Variants in WDR27 observed in about 807,000 individuals in gnomAD.
WDR27 encodes WD repeat domain 27.
Under a neutral mutation model 114.4 loss-of-function variants are expected in WDR27, and 100 were observed. That is an observed-to-expected ratio of 0.87 (90% confidence interval 0.74 to 1.03). The LOEUF (loss-of-function observed/expected upper bound fraction) is 1.03, where lower values mean the gene tolerates loss of function less well. Ranked by LOEUF, WDR27 falls within the 50% of genes least tolerant of loss-of-function variation. The probability of loss-of-function intolerance (pLI) is 0.00; values close to 1 mark genes in which losing one functional copy is unlikely to be tolerated. For synonymous variants in WDR27, 449 were observed against 423.1 expected, an observed-to-expected ratio of 1.06 and a Z score of -0.75; for missense variants, 1,129 against 1,092.9, an observed-to-expected ratio of 1.03 and a Z score of -0.47.
At chr6:169,692,196 C>G (rs1377930392) in intron 1 of WDR27, among the ~76,000 whole-genome samples, 1 of 152,234 alleles carries the variant, frequency 6.6e-6, no homozygotes, top group African/African-American at 2.4e-5. Flanking sequence ...GTGAGAAGAG[C>G]CTTGTAGGCA....
chr6:169,502,446 G>T (rs939883730), intron 25 of WDR27, among the ~76,000 whole-genome samples: 2 of 152,202 alleles, frequency 1.3e-5, no homozygotes, highest in Non-Finnish European at 2.9e-5. Flanking sequence ...AAACTTAGTG[G>T]CTTAAAACAA....
intron 25 of WDR27, among the ~76,000 whole-genome samples, chr6:169,480,252 C>T (rs1787790211): frequency 6.6e-6 from 1 of 152,202 alleles, no homozygotes; most frequent in African/African-American, 2.4e-5. Flanking sequence ...CGAATTCTCG[C>T]CAGGCTTCAG....
At chr6:169,542,633 G>A (rs1796969149) in intron 25 of WDR27, among the ~76,000 whole-genome samples, 1 of 152,050 alleles carries the variant, frequency 6.6e-6, no homozygotes, top group Admixed American at 6.5e-5. Context: ...TAATAGTCTT[G>A]TATTAATGTT....
chr6:169,525,408 C>A (rs1030610635), intron 25 of WDR27, among the ~76,000 whole-genome samples: 1 of 151,448 alleles, frequency 6.6e-6, no homozygotes, highest in Admixed American at 6.6e-5. Context: ...TGGTGGTGGG[C>A]GCCTGTAGTC....
intron 22 of WDR27, among the ~76,000 whole-genome samples, chr6:169,613,017 A>AG (rs1810948229): frequency 6.6e-6 from 1 of 152,268 alleles, no homozygotes; most frequent in Non-Finnish European, 1.5e-5. Context: ...TTTTGCTGAT[A>AG]AAACTAAGGT....
intron 25 of WDR27, among the ~76,000 whole-genome samples, chr6:169,545,062 A>G (rs1797286861): frequency 6.6e-6 from 1 of 152,250 alleles, no homozygotes; most frequent in Non-Finnish European, 1.5e-5. Context: ...GCTTATTCTA[A>G]TATTTATCTG....
At chr6:169,617,282 G>C (rs1220118415) in intron 21 of WDR27, among the ~76,000 whole-genome samples, 2 of 152,228 alleles carry the variant, frequency 1.3e-5, no homozygotes, top group Non-Finnish European at 2.9e-5. Flanking sequence ...TTATAGGCAA[G>C]CTTGAGGAGG....
intron 2 of WDR27, among the ~76,000 whole-genome samples, chr6:169,679,361 A>T (rs547761414): frequency 6.6e-6 from 1 of 152,200 alleles, no homozygotes; most frequent in South Asian, 2.1e-4. Flanking sequence ...ACTTTGGGGG[A>T]CTGTTGGAAA....
At chr6:169,612,020 C>A (rs778655625) in intron 22 of WDR27, among the ~76,000 whole-genome samples, 1 of 152,146 alleles carries the variant, frequency 6.6e-6, no homozygotes, top group Non-Finnish European at 1.5e-5. Flanking sequence ...CCTACAGTCC[C>A]AGCTACTTAG....
chr6:169,614,091 A>C (rs1225983005), intron 21 of WDR27, among the ~76,000 whole-genome samples: 1 of 152,174 alleles, frequency 6.6e-6, no homozygotes, highest in Non-Finnish European at 1.5e-5. Flanking sequence ...TGCGATGACT[A>C]TGTGGGTGAA....
At chr6:169,454,818 C>A (rs1037750644), downstream of WDR27, among the ~76,000 whole-genome samples, 2 of 152,230 alleles carry the variant, frequency 1.3e-5, no homozygotes, top group African/African-American at 4.8e-5. Context: ...AGAGCCGGGG[C>A]TCATCCTTCC....
intron 25 of WDR27, among the ~76,000 whole-genome samples, chr6:169,557,625 T>G (rs1352603863): frequency 6.6e-6 from 1 of 152,228 alleles, no homozygotes; most frequent in Admixed American, 6.5e-5. Context: ...AATTCTTTTA[T>G]TTTGATTAAA....
chr6:169,510,674 T>G (rs945835199), intron 25 of WDR27, among the ~76,000 whole-genome samples: 8 of 151,604 alleles, frequency 5.3e-5, no homozygotes, highest in African/African-American at 2.4e-5. Context: ...GAGATATACC[T>G]AATGCTAAAT....
chr6:169,488,797 C>T (rs1789313819), intron 25 of WDR27, among the ~76,000 whole-genome samples: 1 of 152,104 alleles, frequency 6.6e-6, no homozygotes, highest in Admixed American at 6.5e-5. Context: ...TCACGGAGCT[C>T]AAGTGAACTG....
intron 25 of WDR27, among the ~76,000 whole-genome samples, chr6:169,528,957 C>T: frequency 6.6e-6 from 1 of 152,180 alleles, no homozygotes; most frequent in East Asian, 1.9e-4. Flanking sequence ...AGTGAAGACA[C>T]TGACTCAGCA....
chr6:169,698,515 A>T (rs1786898494), intron 1 of WDR27, among the ~76,000 whole-genome samples: 1 of 152,176 alleles, frequency 6.6e-6, no homozygotes, highest in South Asian at 2.1e-4. Flanking sequence ...GATGGCCCCT[A>T]AAATCATTTG....
chr6:169,665,278 C>A, intron 7 of WDR27: 1 of 1,338,646 alleles, frequency 7.5e-7, no homozygotes, highest in Non-Finnish European at 9.6e-7. Context: ...CATGCAGACC[C>A]AGCTCCTCCG....
At chr6:169,533,849 G>GCA (rs1795904633) in intron 25 of WDR27, among the ~76,000 whole-genome samples, 2 of 151,126 alleles carry the variant, frequency 1.3e-5, no homozygotes, top group Non-Finnish European at 1.5e-5. Flanking sequence ...GTGTGTGTGT[G>GCA]CACATGTGCA....
At chr6:169,630,911 A>AATCG (rs1816178181) in intron 21 of WDR27, among the ~76,000 whole-genome samples, 1 of 151,894 alleles carries the variant, frequency 6.6e-6, no homozygotes, top group South Asian at 2.1e-4. Flanking sequence ...TCAATCAATC[A>AATCG]ATAAGGTGGG....
Sources: allele counts gnomAD v4.1 joint callset (sites outside exome capture counted in the v4.1 genomes callset), GRCh38; gene constraint gnomAD v4.1.1; transcripts MANE v1.5; gene names NCBI Gene and HGNC (gene_info 2026-07-23, HGNC 2026-07-21).